The following EVA1A variants were observed in gnomAD, a reference collection of about 807,000 sequenced individuals.
EVA1A encodes eva-1 homolog A, regulator of programmed cell death, also known as protein eva-1 homolog A.
EVA1A carries 7 observed loss-of-function variants against 9.8 expected under a neutral mutation model. That is an observed-to-expected ratio of 0.71 (90% CI 0.41 to 1.34). EVA1A has a LOEUF of 1.34. EVA1A is among the 40% of genes most tolerant of loss of function. The pLI is 0.01. For missense variants in EVA1A, 206 were observed against 205.9 expected (o/e 1.00, Z 0.00); for synonymous variants, 90 against 85.6 (o/e 1.05, Z -0.28).
intron 3 of EVA1A, among the ~76,000 whole-genome samples, chr2:75,502,348 A>T (rs556418226): frequency 6.6e-6 from 1 of 152,332 alleles, no homozygotes; most frequent in Admixed American, 6.5e-5. Flanking sequence ...CATAATAACA[A>T]TGGCCACATA....
chr2:75,560,199 G>A (rs1676874272), intron 1 of EVA1A, among the ~76,000 whole-genome samples: 1 of 152,152 alleles, frequency 6.6e-6, no homozygotes, highest in South Asian at 2.1e-4. Context: ...GGTCCTGGGG[G>A]TCGCCAAATG....
intron 1 of EVA1A, among the ~76,000 whole-genome samples, chr2:75,543,133 C>T (rs1381220558): frequency 2.0e-5 from 3 of 152,236 alleles, no homozygotes; most frequent in Admixed American, 6.5e-5. Context: ...TGGTCAGCCA[C>T]GATACATGCG....
intron 3 of EVA1A, among the ~76,000 whole-genome samples, chr2:75,515,170 G>A (rs1163619949): frequency 6.6e-6 from 1 of 152,098 alleles, no homozygotes; most frequent in Non-Finnish European, 1.5e-5. Flanking sequence ...ATTTATAAAA[G>A]CTCTTTATTT....
rs545123966 is a variant in EVA1A, at chr2:75,493,047, T to A, written c.*189A>T. ...ACCTGGAAAGGGTGATGAACTGCTT[T>A]GATTTTTCTACTTCTCCATACATTT... On this transcript the variant is annotated 3_prime_UTR_variant, in exon 4 of 4. Transcript: ENST00000393913. 3.1e-4 allele frequency: 247 copies of A among 789,122 alleles called. No individual in the cohort carries two copies. The highest frequency in any genetic ancestry group is 4.4e-4 in the Non-Finnish European group (217 of 495,120). The allele number at this position is 789,122 out of a possible 1,614,324, so 48.9% of individuals were successfully genotyped here.
chr2:75,555,223 G>A (rs188569685), intron 1 of EVA1A, among the ~76,000 whole-genome samples: 130 of 151,996 alleles, frequency 8.6e-4, no homozygotes, highest in Middle Eastern at 3.4e-3. Flanking sequence ...CCCAGGAAAT[G>A]TGTGAATCCT....
chr2:75,515,362 G>A (rs1392243456), intron 3 of EVA1A, among the ~76,000 whole-genome samples: 3 of 152,218 alleles, frequency 2.0e-5, no homozygotes, highest in Non-Finnish European at 4.4e-5. Context: ...GGAGATTAAG[G>A]TATGATGTGA....
intron 2 of EVA1A, among the ~76,000 whole-genome samples, chr2:75,521,123 G>A (rs982393753): frequency 6.6e-6 from 1 of 152,068 alleles, no homozygotes; most frequent in Admixed American, 6.6e-5. Flanking sequence ...ACATAACCAA[G>A]CATTAATGAA....
intron 1 of EVA1A, chr2:75,542,255 T>G (rs1323152819): frequency 2.0e-5 from 3 of 152,622 alleles, no homozygotes; most frequent in African/African-American, 7.2e-5. Context: ...CAGTCTCTAG[T>G]ATGTCTTTAT....
chr2:75,569,265 A>G (rs1313702593), intron 1 of EVA1A, among the ~76,000 whole-genome samples: 1 of 151,820 alleles, frequency 6.6e-6, no homozygotes, highest in Non-Finnish European at 1.5e-5. Flanking sequence ...CACTTGCCTC[A>G]CTTTCTTAAT....
Position 75,517,546 on chromosome 2 carries a change from G to C in EVA1A, c.85+510C>G, listed in dbSNP as rs142996976. On this transcript the variant is annotated intron_variant, in intron 3 of 3. Coordinates refer to ENST00000393913, the MANE Select transcript of EVA1A (RefSeq NM_001135032.2). ...GAGTGCAACTTTGAACCAACGAAGG[G>C]ACAAATATCAGACTCTTCCATACTC... Among the ~76,000 whole-genome samples, 1,096 of 152,224 alleles carry C rather than the reference G, an allele frequency of 7.2e-3. 6 individuals carry two copies. Among genetic ancestry groups the C allele is most frequent in the Non-Finnish European group, 7.9e-3 (535 of 68,006 alleles).
rs558861982 is a variant in EVA1A at position 75,533,907 on chromosome 2, G to T, written c.-191-11420C>A. ...GCTCACTGCAAGCTCCGCCTCCCAG[G>T]TTCACGCCATTCTCCTGCCTCAGCC... On this transcript the variant is annotated intron_variant, in intron 1 of 3. Coordinates refer to ENST00000393913, the MANE Select transcript of EVA1A (RefSeq NM_001135032.2). Among the ~76,000 whole-genome samples, 4 of 152,030 alleles carry T rather than the reference G, an allele frequency of 2.6e-5. No homozygotes were observed. The South Asian group carries it at 8.3e-4, about 32-fold the overall frequency.
At chr2:75,497,096 C>T (rs940485808) in intron 3 of EVA1A, among the ~76,000 whole-genome samples, 1 of 152,092 alleles carries the variant, frequency 6.6e-6, no homozygotes, top group East Asian at 1.9e-4. Flanking sequence ...AGAAGAAAAC[C>T]TAGGAAATAC....
intron 2 of EVA1A, among the ~76,000 whole-genome samples, chr2:75,521,822 AT>A (rs1675240497): frequency 6.6e-6 from 1 of 152,214 alleles, no homozygotes; most frequent in Non-Finnish European, 1.5e-5. Flanking sequence ...AAGATGACGA[AT>A]TTTGTTATAT....
In EVA1A at chr2:75,492,736, C is replaced by G. The variant is rs988888043; in HGVS notation, c.*500G>C. ...AATGGACGAGGTTGCCCTTGCAACA[C>G]AAGATTTTAAAAATCAGCCTTAAAT... On this transcript the variant is annotated 3_prime_UTR_variant, in exon 4 of 4. Coordinates refer to ENST00000393913, the MANE Select transcript of EVA1A (RefSeq NM_001135032.2). The G allele has an allele frequency of 1.3e-5, 2 of 153,162 alleles. No individual in the cohort carries two copies. The highest frequency in any genetic ancestry group is 4.8e-5 in the African/African-American group (2 of 41,428). The allele number at this position is 153,162 out of a possible 1,614,324, so 9.5% of individuals were successfully genotyped here.
Position 75,493,018 on chromosome 2 carries a change from C to G in EVA1A, c.*218G>C. 1 of 628,612 alleles carries G rather than the reference C, an allele frequency of 1.6e-6. No individual in the cohort carries two copies. The highest frequency in any genetic ancestry group is 2.7e-6 in the Non-Finnish European group (1 of 369,618). The allele number at this position is 628,612 out of a possible 1,614,324, so 38.9% of individuals were successfully genotyped here. A position where few individuals can be genotyped will look rare whatever the true frequency, so the allele number is the denominator to read the frequency against. ...TGGAGAGGATTTTTCAGCACCATTC[C>G]GAGACCTGGAAAGGGTGATGAACTG... On this transcript the variant is annotated 3_prime_UTR_variant, in exon 4 of 4. Transcript: ENST00000393913.
upstream of EVA1A, among the ~76,000 whole-genome samples, chr2:75,565,073 C>T (rs1677000697): frequency 6.6e-6 from 1 of 152,210 alleles, no homozygotes; most frequent in Non-Finnish European, 1.5e-5. Flanking sequence ...CCAAAATCAT[C>T]TGGCACTATG....
intron 1 of EVA1A, among the ~76,000 whole-genome samples, chr2:75,526,825 TATTAACA>T (rs1185988030): frequency 6.6e-6 from 1 of 152,148 alleles, no homozygotes; most frequent in African/African-American, 2.4e-5. Flanking sequence ...CAGTAAATAA[TATTAACA>T]GGAGAGTGAC....
intron 1 of EVA1A, among the ~76,000 whole-genome samples, chr2:75,558,332 G>A (rs1442064242): frequency 1.3e-5 from 2 of 152,158 alleles, no homozygotes; most frequent in Non-Finnish European, 2.9e-5. Context: ...CCAAGGTCAA[G>A]TAATTAACTT....
At chr2:75,518,240 A>G (rs764160884) in intron 2 of EVA1A, 32 bp from the exon 3 acceptor site, 4 of 1,527,894 alleles carry the variant, frequency 2.6e-6, no homozygotes, top group African/African-American at 1.4e-5. Flanking sequence ...GTGATAAGAA[A>G]CATTCTGCTG....
Sources: gnomAD v4.1 joint callset for allele counts (sites outside exome capture counted in the v4.1 genomes callset) on GRCh38, gnomAD v4.1.1 for gene constraint, MANE v1.5 for transcripts, NCBI Gene and HGNC (gene_info 2026-07-23, HGNC 2026-07-21) for gene names.